The following TXLNG variants were observed in gnomAD, a reference collection of about 807,000 sequenced individuals.
The protein encoded by TXLNG is gamma-taxilin.
A neutral mutation model predicts 38.8 loss-of-function variants in TXLNG; 5 were observed. The observed-to-expected ratio is 0.13, with a 90% confidence interval of 0.07 to 0.27. TXLNG has a LOEUF of 0.27. Ranked by LOEUF, TXLNG falls within the 10% of genes least tolerant of loss-of-function variation. The pLI, the probability that TXLNG is intolerant of heterozygous loss-of-function variation, is 1.00. For missense variants in TXLNG, 393 were observed against 398.2 expected (o/e 0.99, Z 0.11); for synonymous variants, 182 against 158.2 (o/e 1.15, Z -1.13).
chrX:16,786,627 G>T, intron 1 of TXLNG, 38 bp downstream of exon 1: 4 of 945,380 alleles, frequency 4.2e-6, no homozygotes, highest in Non-Finnish European at 5.5e-6. Context: ...GTCGGGCCCG[G>T]GGGATGTTTG....
In TXLNG at chrX:16,841,428, A is replaced by G. The variant is rs111431191; in HGVS notation, c.1249A>G (p.Lys417Glu). ...NKALLQMAEE[K>E]TVRDKEYKAL... ...ACAGAAATCCTCTTTTTTCTTACAG[A>G]AAACAGTCCGTGATAAAGAGTACAA... The change falls in exon 10 of 10, where the codon AAA (lysine) becomes GAA (glutamate). Residue 417 changes from lysine (K) to glutamate (E), a missense_variant and splice_region_variant. Coordinates refer to ENST00000380122, the MANE Select transcript of TXLNG (RefSeq NM_018360.3). 8.5e-7 allele frequency: 1 copy of G among 1,183,326 alleles called. No individual in the cohort carries two copies. Among genetic ancestry groups the G allele is most frequent in the South Asian group, 1.9e-5 (1 of 53,454 alleles).
At chrX:16,827,517 C>G (rs1929213683) in intron 3 of TXLNG, among the ~76,000 whole-genome samples, 1 of 111,664 alleles carries the variant, frequency 9.0e-6, no homozygotes, top group African/African-American at 3.3e-5. Flanking sequence ...TGAAGGGCAT[C>G]ATCCTTCAAA....
intron 1 of TXLNG, among the ~76,000 whole-genome samples, chrX:16,807,306 C>T (rs1446139137): frequency 1.2e-4 from 13 of 111,514 alleles, no homozygotes. Flanking sequence ...TATTTTTAGA[C>T]ATTTAATTTA....
chrX:16,835,306 A>T (rs1929552328), intron 7 of TXLNG, among the ~76,000 whole-genome samples: 1 of 111,389 alleles, frequency 9.0e-6, no homozygotes, highest in Non-Finnish European at 1.9e-5. Flanking sequence ...ACCTCTTTGG[A>T]GTGCTGCTTT....
At chrX:16,799,307 C>T (rs1927996050) in intron 1 of TXLNG, among the ~76,000 whole-genome samples, 1 of 111,320 alleles carries the variant, frequency 9.0e-6, no homozygotes, top group Non-Finnish European at 1.9e-5. Flanking sequence ...TTCTTTAGGA[C>T]GTCCCCTTAT....
chrX:16,818,736 A>T lies in TXLNG; in HGVS notation c.265A>T (p.Ile89Leu). 1 of 1,212,141 alleles carries T rather than the reference A, an allele frequency of 8.2e-7. No homozygotes were observed. Among genetic ancestry groups the T allele is most frequent in the Non-Finnish European group, 1.1e-6 (1 of 895,657 alleles). The change falls in exon 2 of 10, where the codon ATA (isoleucine) becomes TTA (leucine). Residue 89 changes from isoleucine to leucine, a missense_variant. Ile to Leu is a conservative substitution (Grantham distance 5, BLOSUM62 2). Transcript: ENST00000380122. ...SLEEDEGSDF[I>L]TENRNLVSPA... ...GGAAGAGGATGAAGGCAGTGACTTT[A>T]TAACAGAGAACAGGAATTTGGTGAG...
chrX:16,825,300 G>T (rs1272408748), intron 3 of TXLNG, among the ~76,000 whole-genome samples: 2 of 111,751 alleles, frequency 1.8e-5, no homozygotes, highest in Non-Finnish European at 3.8e-5. Flanking sequence ...ATTGCTGTTG[G>T]GAATATCAAT....
chrX:16,841,204 AAAG>A (rs1260505456), intron 9 of TXLNG, among the ~76,000 whole-genome samples: 1 of 111,110 alleles, frequency 9.0e-6, no homozygotes, highest in African/African-American at 3.3e-5. Flanking sequence ...AAAAAAAAAA[AAAG>A]TGACAAAAGG....
chrX:16,821,079 ATATTACAGG>A (rs1336720021), intron 3 of TXLNG, among the ~76,000 whole-genome samples: 4 of 102,646 alleles, frequency 3.9e-5, no homozygotes, highest in African/African-American at 1.1e-4. Context: ...ATTCTCAGCT[ATATTACAGG>A]TATTACAGGT....
intron 7 of TXLNG, among the ~76,000 whole-genome samples, chrX:16,836,204 A>G (rs978140086): frequency 8.9e-6 from 1 of 111,895 alleles, no homozygotes; most frequent in East Asian, 2.8e-4. Flanking sequence ...CGAGGCTGCA[A>G]TGAGCCGTGA....
At chrX:16,799,260 C>G (rs1441084985) in intron 1 of TXLNG, among the ~76,000 whole-genome samples, 1 of 111,237 alleles carries the variant, frequency 9.0e-6, no homozygotes, top group African/African-American at 3.3e-5. Context: ...GCGATGGATA[C>G]TTGGGTATTC....
chrX:16,805,223 T>A (rs1333008606), intron 1 of TXLNG, among the ~76,000 whole-genome samples: 1 of 108,622 alleles, frequency 9.2e-6, no homozygotes, highest in Admixed American at 1.0e-4. Flanking sequence ...GCTCAAGCAA[T>A]CCTCCTACCT....
At chrX:16,793,110 A>T (rs1246269987) in intron 1 of TXLNG, among the ~76,000 whole-genome samples, 2 of 109,580 alleles carry the variant, frequency 1.8e-5, no homozygotes, top group Non-Finnish European at 3.8e-5. Flanking sequence ...AAAAAAAAAA[A>T]AAGTATACAA....
At chrX:16,814,314 A>G (rs943838544) in intron 1 of TXLNG, among the ~76,000 whole-genome samples, 15 of 111,574 alleles carry the variant, frequency 1.3e-4, no homozygotes, top group Non-Finnish European at 2.6e-4. Flanking sequence ...AATTTGCCAC[A>G]TGCAAATAGG....
At chrX:16,840,546 G>A in intron 9 of TXLNG, 2 of 552,186 alleles carry the variant, frequency 3.6e-6, no homozygotes, top group Non-Finnish European at 4.4e-6. Context: ...GGCCGACGCA[G>A]GCGGATCATG....
At chrX:16,793,349 A>G (rs1325720278) in intron 1 of TXLNG, among the ~76,000 whole-genome samples, 1 of 111,702 alleles carries the variant, frequency 9.0e-6, no homozygotes, top group East Asian at 2.8e-4. Context: ...TATGCTATCA[A>G]AATAATTGTA....
intron 1 of TXLNG, among the ~76,000 whole-genome samples, chrX:16,787,306 G>A (rs1002453483): frequency 1.8e-5 from 2 of 112,056 alleles, no homozygotes; most frequent in Non-Finnish European, 3.8e-5. Flanking sequence ...GGAGGACCTC[G>A]GTCCTGCAGA....
chrX:16,841,552 A>G lies in TXLNG; in HGVS notation c.1373A>G (p.Gln458Arg). The G allele has an allele frequency of 1.6e-6, 2 of 1,212,146 alleles. No individual in the cohort carries two copies. Among genetic ancestry groups the G allele is most frequent in the Non-Finnish European group, 2.2e-6 (2 of 895,616 alleles). Residue 458 changes from glutamine to arginine, a missense_variant, in exon 10 of 10, where the codon CAG (glutamine) becomes CGG (arginine). By Grantham distance (43) the Gln-to-Arg change is conservative (BLOSUM62 1). Coordinates refer to ENST00000380122, the MANE Select transcript of TXLNG (RefSeq NM_018360.3). Reference sequence around the variant, plus strand: ...GAGAAGGTGGAAGTCCTGAAAGAGCAGGTATCCATCAAAGCGGCCATCAAA... The same window carrying G: ...GAGAAGGTGGAAGTCCTGAAAGAGCGGGTATCCATCAAAGCGGCCATCAAA... ...LNEKVEVLKE[Q>R]VSIKAAIKAA...
chrX:16,786,594 G>A lies in TXLNG; in HGVS notation c.102+5G>A. ...CGACGCAGCCCGCGGCAGAAGGTCA[G>A]TCAGGGGGACGCCCTCGTTGTTGTC... is the stretch of plus-strand genomic sequence containing the variant. On this transcript the variant is annotated splice_donor_5th_base_variant and intron_variant, in intron 1 of 9. Transcript: ENST00000380122. The A allele has an allele frequency of 9.5e-7, 1 of 1,053,795 alleles. No homozygotes were observed. The highest frequency in any genetic ancestry group is 1.2e-6 in the Non-Finnish European group (1 of 821,243). The allele number at this position is 1,053,795 out of a possible 1,213,427, so 86.8% of individuals were successfully genotyped here.
Sources: allele counts gnomAD v4.1 joint callset (sites outside exome capture counted in the v4.1 genomes callset), GRCh38; gene constraint gnomAD v4.1.1; transcripts MANE v1.5; gene names NCBI Gene and HGNC (gene_info 2026-07-23, HGNC 2026-07-21).